MSRA: variants seen among roughly 807,000 people sequenced by gnomAD.
The protein encoded by MSRA is methionine sulfoxide reductase A, also known as mitochondrial peptide methionine sulfoxide reductase.
Under a neutral mutation model 31.3 loss-of-function variants are expected in MSRA, and 54 were observed. That is an observed-to-expected ratio of 1.73 (90% CI 1.39 to 2.17). The LOEUF is 2.17. MSRA is among the 30% of genes most tolerant of loss of function. MSRA has a pLI of 0.00. For synonymous variants in MSRA, 169 were observed against 116.5 expected (o/e 1.45, Z -2.90); for missense variants, 507 against 300.9 (o/e 1.69, Z -5.07).
At chr8:10,262,856 T>G (rs1027444579) in intron 3 of MSRA, among the ~76,000 whole-genome samples, 11 of 152,262 alleles carry the variant, frequency 7.2e-5, no homozygotes, top group Non-Finnish European at 1.5e-5. Context: ...CCTTTCTTGT[T>G]CACTTGCTTC....
intron 1 of MSRA, among the ~76,000 whole-genome samples, chr8:10,076,285 T>G (rs1298546230): frequency 6.6e-6 from 1 of 152,218 alleles, no homozygotes; most frequent in African/African-American, 2.4e-5. Context: ...ACTGTCATAC[T>G]GTTGCCCTGT....
intron 1 of MSRA, among the ~76,000 whole-genome samples, chr8:10,118,689 C>G (rs1394529719): frequency 6.6e-6 from 1 of 152,172 alleles, no homozygotes; most frequent in Non-Finnish European, 1.5e-5. Context: ...TTGGCACTTT[C>G]TGTTCTCTCC....
chr8:10,376,772 G>A (rs1805779297), intron 5 of MSRA, among the ~76,000 whole-genome samples: 1 of 152,176 alleles, frequency 6.6e-6, no homozygotes, highest in South Asian at 2.1e-4. Flanking sequence ...GCTAGGTGCT[G>A]AATATATAAA....
intron 5 of MSRA, among the ~76,000 whole-genome samples, chr8:10,322,580 G>A (rs1405621492): frequency 6.6e-6 from 1 of 152,118 alleles, no homozygotes; most frequent in Non-Finnish European, 1.5e-5. Flanking sequence ...CATGACATGG[G>A]CATCCAAGGG....
intron 2 of MSRA, among the ~76,000 whole-genome samples, chr8:10,242,256 G>A (rs993329373): frequency 1.4e-5 from 2 of 139,416 alleles, no homozygotes; most frequent in African/African-American, 5.2e-5. Flanking sequence ...GGGTGACAGA[G>A]GGAGACTCCA....
chr8:10,381,969 G>A (rs144649299), intron 5 of MSRA, among the ~76,000 whole-genome samples: 20 of 152,330 alleles, frequency 1.3e-4, no homozygotes, highest in South Asian at 6.2e-4. Flanking sequence ...TGAGTAGTAC[G>A]TATTGGAAGA....
At chr8:10,242,762 A>C (rs1036111505) in intron 2 of MSRA, among the ~76,000 whole-genome samples, 1 of 152,208 alleles carries the variant, frequency 6.6e-6, no homozygotes, top group South Asian at 2.1e-4. Context: ...TCAAAGCCAC[A>C]TAATAGAATG....
chr8:10,303,893 C>T (rs1264486803), intron 4 of MSRA, among the ~76,000 whole-genome samples: 1 of 152,150 alleles, frequency 6.6e-6, no homozygotes, highest in East Asian at 1.9e-4. Context: ...ATCTTATGCC[C>T]ATTATATTTG....
chr8:10,331,244 C>T (rs1343884934), intron 5 of MSRA, among the ~76,000 whole-genome samples: 1 of 152,194 alleles, frequency 6.6e-6, no homozygotes, highest in Non-Finnish European at 1.5e-5. Flanking sequence ...CAAGAGAGCC[C>T]TGTTTTGTGT....
At chr8:10,202,344 T>C (rs565597194) in intron 1 of MSRA, among the ~76,000 whole-genome samples, 2 of 152,320 alleles carry the variant, frequency 1.3e-5, no homozygotes, top group African/African-American at 4.8e-5. Flanking sequence ...TATTTTCCCA[T>C]TGTGGAGTGG....
chr8:10,302,488 G>T (rs1800901121), intron 4 of MSRA, among the ~76,000 whole-genome samples: 1 of 152,204 alleles, frequency 6.6e-6, no homozygotes, highest in African/African-American at 2.4e-5. Context: ...TAGTGGATAT[G>T]CAGTGTTATT....
At chr8:10,173,789 G>A (rs1024597011) in intron 1 of MSRA, among the ~76,000 whole-genome samples, 1 of 152,124 alleles carries the variant, frequency 6.6e-6, no homozygotes, top group Non-Finnish European at 1.5e-5. Flanking sequence ...TGTGTGCCTA[G>A]TCTGTCCCAT....
At chr8:10,109,182 A>G (rs1800102415) in intron 1 of MSRA, among the ~76,000 whole-genome samples, 1 of 152,218 alleles carries the variant, frequency 6.6e-6, no homozygotes, top group Admixed American at 6.5e-5. Context: ...TGCCTTTAAA[A>G]AAAGCACTTT....
At chr8:10,170,069 T>C (rs962923031) in intron 1 of MSRA, among the ~76,000 whole-genome samples, 1 of 134,032 alleles carries the variant, frequency 7.5e-6, no homozygotes, top group Non-Finnish European at 1.5e-5. Context: ...TTTTTTTAAG[T>C]AGAGACAGGG....
At position 10,428,438 on chromosome 8, in the gene MSRA, G is replaced by T. The variant is rs1011530933; in HGVS notation, c.*126G>T. 2 of 1,056,526 alleles carry T rather than the reference G, an allele frequency of 1.9e-6. No individual in the cohort carries two copies. The highest frequency in any genetic ancestry group is 3.2e-5 in the African/African-American group (2 of 62,302). 65.4% of individuals were successfully genotyped at this position (1,056,526 alleles called of 1,614,324 possible). A position where few individuals can be genotyped will look rare whatever the true frequency, so the allele number is the denominator to read the frequency against. Reference sequence around the variant, plus strand: ...AAGTACAAAGGAATTTATACAGATTGGGTTTACCGAAGTATAATCTATAGG... The same window carrying T: ...AAGTACAAAGGAATTTATACAGATTTGGTTTACCGAAGTATAATCTATAGG... On this transcript the variant is annotated 3_prime_UTR_variant, in exon 6 of 6. Coordinates refer to ENST00000317173, the MANE Select transcript of MSRA (RefSeq NM_012331.5).
intron 1 of MSRA, among the ~76,000 whole-genome samples, chr8:10,071,502 T>G (rs1445012223): frequency 1.3e-5 from 2 of 151,810 alleles, no homozygotes; most frequent in Non-Finnish European, 2.9e-5. Context: ...GTAAAAGTTT[T>G]TAATTCTGAT....
intron 3 of MSRA, among the ~76,000 whole-genome samples, chr8:10,267,092 A>G (rs1028565980): frequency 6.6e-6 from 1 of 152,232 alleles, no homozygotes; most frequent in African/African-American, 2.4e-5. Flanking sequence ...ATGCGAACCA[A>G]CATAGTCTCA....
intron 1 of MSRA, among the ~76,000 whole-genome samples, chr8:10,176,769 C>CA (rs1013854897): frequency 1.3e-5 from 2 of 152,182 alleles, no homozygotes; most frequent in African/African-American, 4.8e-5. Flanking sequence ...AATGGGGGCT[C>CA]AGAGCAGAAC....
intron 1 of MSRA, among the ~76,000 whole-genome samples, chr8:10,195,358 A>C (rs992752120): frequency 4.6e-5 from 7 of 152,184 alleles, no homozygotes; most frequent in African/African-American, 1.7e-4. Flanking sequence ...CTTCTGCCTC[A>C]GCCTTCTGAG....
Sources: gnomAD v4.1 joint callset for allele counts (sites outside exome capture counted in the v4.1 genomes callset) on GRCh38, gnomAD v4.1.1 for gene constraint, MANE v1.5 for transcripts, NCBI Gene and HGNC (gene_info 2026-07-23, HGNC 2026-07-21) for gene names.